Variants in PLAT observed in about 807,000 individuals in gnomAD.
The protein encoded by PLAT is plasminogen activator, tissue type, also known as tissue-type plasminogen activator.
PLAT carries 48 observed loss-of-function variants against 74.9 expected under a neutral mutation model. That is an observed-to-expected ratio of 0.64 (90% CI 0.51 to 0.82). The LOEUF (loss-of-function observed/expected upper bound fraction) is 0.82, where lower values mean the gene tolerates loss of function less well. Among genes scored for constraint, PLAT ranks in the 40% least tolerant of loss-of-function variants. The probability of loss-of-function intolerance (pLI) is 0.00; values close to 1 mark genes in which losing one functional copy is unlikely to be tolerated. For missense variants in PLAT, 673 were observed against 736.2 expected (o/e 0.91, Z 0.99); for synonymous variants, 307 against 294.4 (o/e 1.04, Z -0.44).
At position 42,182,858 on chromosome 8, in the gene PLAT, C is replaced by T; in HGVS notation, c.664G>A (p.Ala222Thr). The stretch of plus-strand genomic sequence containing the variant: ...GTGAGGCTGTGCGTGCCACGGTAGG[C>T]TGACCCATTCCCAAAGTAGCAGTCA... ...NSDCYFGNGS[A>T]YRGTHSLTES... The change falls in exon 8 of 14, where the codon GCC (alanine) becomes ACC (threonine). Residue 222 changes from alanine (A) to threonine (T), a missense_variant. Physicochemically the swap from Ala to Thr is moderately conservative, Grantham distance 58 (BLOSUM62 0). Transcript: ENST00000220809. The T allele has an allele frequency of 6.2e-7, 1 of 1,610,492 alleles. No individual in the cohort carries two copies. Among genetic ancestry groups the T allele is most frequent in the African/African-American group, 1.3e-5 (1 of 74,726 alleles).
rs116552180 is a variant in PLAT at position 42,201,233 on chromosome 8, C to T, written c.-27+6261G>A. Among the ~76,000 whole-genome samples the T allele has an allele frequency of 1.3e-3, 204 of 152,364 alleles. 1 individual carries two copies. Among genetic ancestry groups the T allele is most frequent in the African/African-American group, 4.7e-3 (197 of 41,588 alleles). The stretch of plus-strand genomic sequence containing the variant: ...CCTGGAAATCTAACTGCATTTACAG[C>T]ACACATTCTGTGTGGGCAACTCACT... On this transcript the variant is annotated intron_variant, in intron 1 of 13. Transcript: ENST00000220809.
At position 42,175,826 on chromosome 8, in the gene PLAT, G is replaced by A. The variant is rs1804946490; in HGVS notation, c.*167C>T. On this transcript the variant is annotated 3_prime_UTR_variant, in exon 14 of 14. Transcript: ENST00000220809. ...CCAAGTCCTGAAAACTTCCAAAATG[G>A]GAAGTATCTGGGAAAATGCACTCTT... 1 of 610,490 alleles carries A rather than the reference G, an allele frequency of 1.6e-6. No homozygotes were observed. Among genetic ancestry groups the A allele is most frequent in the Non-Finnish European group, 2.9e-6 (1 of 348,610 alleles). 37.8% of individuals were successfully genotyped at this position (610,490 alleles called of 1,614,324 possible).
At chr8:42,206,449 A>G (rs1052291743) in intron 1 of PLAT, among the ~76,000 whole-genome samples, 21 of 152,176 alleles carry the variant, frequency 1.4e-4, no homozygotes, top group African/African-American at 4.8e-4. Context: ...ACTGCTAGGA[A>G]GTCACCTTTG....
chr8:42,185,000 TGCAGGAGG>T (rs998019106), intron 7 of PLAT, 73 bp downstream of exon 7: 216 of 880,148 alleles, frequency 2.5e-4, no homozygotes, highest in South Asian at 1.3e-3. Flanking sequence ...TCCCCTCAGG[TGCAGGAGG>T]GCTATCGGCC....
chr8:42,189,953 C>A (rs538454498), intron 3 of PLAT, among the ~76,000 whole-genome samples: 57 of 151,712 alleles, frequency 3.8e-4, no homozygotes, highest in African/African-American at 1.4e-3. Context: ...CTCTGTCACC[C>A]AGGCTGGAGT....
intron 13 of PLAT, among the ~76,000 whole-genome samples, 173 bp downstream of exon 13, chr8:42,178,724 A>G (rs981580829): frequency 3.9e-5 from 6 of 152,188 alleles, no homozygotes; most frequent in African/African-American, 1.4e-4. Context: ...GGTGACTTTG[A>G]TCTTCCTCCA....
intron 13 of PLAT, among the ~76,000 whole-genome samples, chr8:42,176,739 A>T (rs1352642047): frequency 2.6e-5 from 4 of 152,294 alleles, no homozygotes; most frequent in Admixed American, 2.6e-4. Flanking sequence ...TGCTTTGCAA[A>T]CATTTATTCC....
rs760355531 is a variant in PLAT at position 42,187,871 on chromosome 8, A to T, written c.364+35T>A. The T allele has an allele frequency of 2.2e-6, 3 of 1,350,824 alleles. No individual in the cohort carries two copies. The East Asian group carries it at 6.9e-5, about 31-fold the overall frequency. 83.7% of individuals were successfully genotyped at this position (1,350,824 alleles called of 1,614,324 possible). ...GGGCGGGGGAGACTGGAGAGGTGGG[A>T]TTTCAGCTCGTTTCACGTGCTCTCA... is the stretch of plus-strand genomic sequence containing the variant. On this transcript the variant is annotated intron_variant, in intron 5 of 13. Coordinates refer to ENST00000220809, the MANE Select transcript of PLAT (RefSeq NM_000930.5).
chr8:42,201,332 A>G (rs1331515286), intron 1 of PLAT, among the ~76,000 whole-genome samples: 1 of 152,214 alleles, frequency 6.6e-6, no homozygotes, highest in Admixed American at 6.5e-5. Flanking sequence ...GGTAACTGGA[A>G]AAGAAGCAGG....
chr8:42,185,248 A>G (rs1200219905), intron 6 of PLAT, 76 bp from the exon 7 acceptor site: 2 of 861,996 alleles, frequency 2.3e-6, no homozygotes, highest in South Asian at 3.5e-5. Context: ...GGACTTTGGT[A>G]TCCTTTTCTG....
intron 3 of PLAT, among the ~76,000 whole-genome samples, chr8:42,190,898 G>C (rs1302052983): frequency 2.0e-5 from 3 of 152,200 alleles, no homozygotes; most frequent in African/African-American, 7.2e-5. Flanking sequence ...GGATACACAG[G>C]GATGTTGTTA....
At chr8:42,181,074 G>T (rs1363993925) in intron 9 of PLAT, among the ~76,000 whole-genome samples, 1 of 152,164 alleles carries the variant, frequency 6.6e-6, no homozygotes, top group Non-Finnish European at 1.5e-5. Context: ...CAAGGCCCAG[G>T]TGCAATCCTG....
chr8:42,197,676 G>A (rs1805960216), intron 1 of PLAT, among the ~76,000 whole-genome samples: 1 of 152,180 alleles, frequency 6.6e-6, no homozygotes, highest in Non-Finnish European at 1.5e-5. Flanking sequence ...ACAGGGGAAA[G>A]TCAGTGGGGT....
chr8:42,182,993 C>T (rs1342174144), intron 7 of PLAT, 103 bp from the exon 8 acceptor site: 3 of 863,294 alleles, frequency 3.5e-6, no homozygotes, highest in African/African-American at 1.7e-5. Flanking sequence ...AGCTGGAGGC[C>T]GCTAGCCCGG....
At chr8:42,192,877 C>T (rs1805739025) in intron 2 of PLAT, among the ~76,000 whole-genome samples, 2 of 152,262 alleles carry the variant, frequency 1.3e-5, no homozygotes, top group South Asian at 4.1e-4. Context: ...ATTCCGCTTA[C>T]TCAGGTCAAA....
intron 13 of PLAT, among the ~76,000 whole-genome samples, chr8:42,177,891 C>T (rs1321586387): frequency 1.3e-5 from 2 of 152,180 alleles, no homozygotes; most frequent in African/African-American, 4.8e-5. Context: ...GCACCAGAGC[C>T]TGGCCTCACT....
chr8:42,185,414 C>T, intron 6 of PLAT: 1 of 327,764 alleles, frequency 3.1e-6, no homozygotes, highest in East Asian at 5.3e-5. Flanking sequence ...CAGGTGCCTG[C>T]CACCATGCCT....
intron 12 of PLAT, 86 bp from the exon 13 acceptor site, chr8:42,179,149 C>A (rs1470764993): frequency 1.1e-6 from 1 of 877,208 alleles, no homozygotes; most frequent in Admixed American, 2.1e-5. Context: ...CCAATAATAG[C>A]TAACATTGAT....
At chr8:42,179,207 T>G in intron 12 of PLAT, 144 bp from the exon 13 acceptor site, 1 of 626,182 alleles carries the variant, frequency 1.6e-6, no homozygotes, top group Non-Finnish European at 2.8e-6. Context: ...TGCTGGTATT[T>G]TATCGTTTTG....
Sources: allele counts gnomAD v4.1 joint callset (sites outside exome capture counted in the v4.1 genomes callset), GRCh38; gene constraint gnomAD v4.1.1; transcripts MANE v1.5; gene names NCBI Gene and HGNC (gene_info 2026-07-23, HGNC 2026-07-21).